Variants in CDH12 observed in about 807,000 individuals in gnomAD.
The protein encoded by CDH12 is cadherin 12.
Under a neutral mutation model 74.1 loss-of-function variants are expected in CDH12, and 41 were observed. The observed-to-expected ratio is 0.55, with a 90% CI of 0.43 to 0.72. The LOEUF (loss-of-function observed/expected upper bound fraction) is 0.72, where lower values mean the gene tolerates loss of function less well. Among genes scored for constraint, CDH12 ranks in the 30% least tolerant of loss-of-function variants. The probability of loss-of-function intolerance (pLI) is 0.00; values close to 1 mark genes in which losing one functional copy is unlikely to be tolerated. For synonymous variants in CDH12, 399 were observed against 355.0 expected (o/e 1.12, Z -1.39); for missense variants, 945 against 977.2 (o/e 0.97, Z 0.44).
intron 1 of CDH12, among the ~76,000 whole-genome samples, chr5:22,758,064 C>A (rs573829492): frequency 1.6e-4 from 24 of 152,240 alleles, no homozygotes; most frequent in African/African-American, 5.5e-4. Flanking sequence ...CTGTCTCCAG[C>A]ACTATGGCGA....
intron 2 of CDH12, among the ~76,000 whole-genome samples, chr5:22,493,199 T>C (rs886254124): frequency 1.3e-5 from 2 of 152,220 alleles, no homozygotes; most frequent in Non-Finnish European, 2.9e-5. Flanking sequence ...TGACCACCAA[T>C]CTGAATTAAA....
At chr5:22,312,917 C>T (rs1411400126) in intron 3 of CDH12, among the ~76,000 whole-genome samples, 1 of 152,104 alleles carries the variant, frequency 6.6e-6, no homozygotes, top group Non-Finnish European at 1.5e-5. Context: ...TTCTACTTTC[C>T]CCTTCAAGCT....
At chr5:21,816,481 C>T (rs143105055) in intron 9 of CDH12, among the ~76,000 whole-genome samples, 1,815 of 150,986 alleles carry the variant, frequency 0.012, 37 homozygotes, top group African/African-American at 0.042. Flanking sequence ...AAAAACTAGC[C>T]GGGCGTGGTG....
chr5:22,513,992 A>C (rs940711167), intron 1 of CDH12, among the ~76,000 whole-genome samples: 5 of 151,346 alleles, frequency 3.3e-5, no homozygotes, highest in Non-Finnish European at 5.9e-5. Flanking sequence ...TACGAAAAAT[A>C]ATGTTTGAAA....
chr5:22,478,819 T>C lies in CDH12; in HGVS notation c.-428+26451A>G, dbSNP rs151070268. Among the ~76,000 whole-genome samples the C allele has an allele frequency of 2.0e-3, 310 of 152,302 alleles. 3 individuals are homozygous for C. The Middle Eastern group carries it at 0.02, about 10-fold the overall frequency. On this transcript the variant is annotated intron_variant, in intron 2 of 14. Transcript: ENST00000382254. ...TCTTGGTGTTATTTTTTTGTTTGCCTTTCCTAAAAATGCTAACAGACTGAT... is the reference window on the plus strand; with the variant it reads ...TCTTGGTGTTATTTTTTTGTTTGCCCTTCCTAAAAATGCTAACAGACTGAT...
intron 3 of CDH12, among the ~76,000 whole-genome samples, chr5:22,247,503 C>G (rs1373030365): frequency 6.6e-6 from 1 of 151,820 alleles, no homozygotes; most frequent in Admixed American, 6.6e-5. Context: ...GGTAAAAAAC[C>G]ATCTCTACTA....
intron 1 of CDH12, among the ~76,000 whole-genome samples, chr5:22,772,599 T>G (rs568867478): frequency 6.6e-6 from 1 of 151,782 alleles, no homozygotes; most frequent in African/African-American, 2.4e-5. Context: ...ATCTCACACG[T>G]TTTTTTTAAA....
chr5:22,220,000 T>C (rs1751956575), intron 3 of CDH12, among the ~76,000 whole-genome samples: 3 of 151,762 alleles, frequency 2.0e-5, no homozygotes, highest in Non-Finnish European at 4.4e-5. Context: ...TAAATTGTAA[T>C]GATTATGTCC....
chr5:22,244,745 A>AAAG (rs1369961490), intron 3 of CDH12, among the ~76,000 whole-genome samples: 2 of 22,726 alleles, frequency 8.8e-5, no homozygotes, highest in Non-Finnish European at 3.1e-4. Context: ...GAAAGAAAAG[A>AAAG]AAGAAAGAAA....
chr5:22,833,544 C>CTT, intron 1 of CDH12, among the ~76,000 whole-genome samples: 1 of 152,204 alleles, frequency 6.6e-6, no homozygotes, highest in East Asian at 1.9e-4. Flanking sequence ...TTTCACTTAA[C>CTT]TATCAAGAAC....
chr5:22,357,228 C>G (rs562905824), intron 3 of CDH12, among the ~76,000 whole-genome samples: 1 of 152,174 alleles, frequency 6.6e-6, no homozygotes, highest in South Asian at 2.1e-4. Context: ...GTTGGAGATT[C>G]CCATGAGAGA....
intron 1 of CDH12, among the ~76,000 whole-genome samples, chr5:22,819,670 A>G (rs902077650): frequency 3.3e-5 from 5 of 151,890 alleles, no homozygotes; most frequent in African/African-American, 1.2e-4. Flanking sequence ...TAAGTGAGCT[A>G]GCACAAGAGA....
chr5:22,677,736 T>C (rs1741273608), intron 1 of CDH12, among the ~76,000 whole-genome samples: 1 of 152,130 alleles, frequency 6.6e-6, no homozygotes, highest in East Asian at 1.9e-4. Flanking sequence ...TAACTCTCCC[T>C]TCATTCTTGT....
chr5:22,507,389 CAT>C (rs1253737254), intron 1 of CDH12, among the ~76,000 whole-genome samples: 8 of 151,930 alleles, frequency 5.3e-5, no homozygotes. Context: ...AATTAATGTA[CAT>C]GTTAATCATT....
rs144738751 is a variant in CDH12 at position 22,323,791 on chromosome 5, AG to A, written c.-333+81465del. On this transcript the variant is annotated intron_variant, in intron 3 of 14. Coordinates refer to ENST00000382254, the MANE Select transcript of CDH12 (RefSeq NM_004061.5). ...TTTTGTTTGCTTTGCTTTAAGTTAT[AG>A]AAAGAAGAGGGAGAAGGAACATGTT... 9.7e-3 allele frequency among the ~76,000 whole-genome samples: 1,477 copies of A among 152,272 alleles called. 25 individuals are homozygous for A. Among genetic ancestry groups the A allele is most frequent in the African/African-American group, 0.032 (1,343 of 41,570 alleles).
chr5:21,913,472 C>A (rs1466005811), intron 6 of CDH12, among the ~76,000 whole-genome samples: 1 of 152,058 alleles, frequency 6.6e-6, no homozygotes, highest in Non-Finnish European at 1.5e-5. Context: ...TAAAAGTAAA[C>A]AAGTTTCTGT....
chr5:22,725,986 C>T (rs571360242), intron 1 of CDH12, among the ~76,000 whole-genome samples: 1 of 151,652 alleles, frequency 6.6e-6, no homozygotes, highest in Admixed American at 6.6e-5. Context: ...AGTTTTCTGT[C>T]CCCACTATCA....
chr5:22,433,152 A>G (rs189345730), intron 2 of CDH12, among the ~76,000 whole-genome samples: 32 of 152,254 alleles, frequency 2.1e-4, no homozygotes, highest in Non-Finnish European at 3.8e-4. Context: ...GCCTGTGCTC[A>G]GCCCTGTGTT....
intron 1 of CDH12, among the ~76,000 whole-genome samples, chr5:22,635,955 TAAA>T (rs1738820633): frequency 1.3e-5 from 2 of 151,206 alleles, no homozygotes; most frequent in African/African-American, 4.9e-5. Flanking sequence ...AACTCAATAA[TAAA>T]AAGAAATATT....
Sources: allele counts gnomAD v4.1 joint callset (sites outside exome capture counted in the v4.1 genomes callset), GRCh38; gene constraint gnomAD v4.1.1; transcripts MANE v1.5; gene names NCBI Gene and HGNC (gene_info 2026-07-23, HGNC 2026-07-21).